LRP1B: variants seen among roughly 807,000 people sequenced by gnomAD.
The protein encoded by LRP1B is LDL receptor related protein 1B, also known as low-density lipoprotein receptor-related protein 1B.
LRP1B carries 217 observed loss-of-function variants against 556.6 expected under a neutral mutation model. That is an observed-to-expected ratio of 0.39 (90% CI 0.35 to 0.44). The LOEUF (loss-of-function observed/expected upper bound fraction) is 0.44, where lower values mean the gene tolerates loss of function less well. LRP1B is among the 20% of genes least tolerant of loss of function. The pLI is 1.00. For synonymous variants in LRP1B, 2,047 were observed against 1,865.8 expected, an observed-to-expected ratio of 1.10 and a Z score of -2.50; for missense variants, 5,053 against 5,620.8, an observed-to-expected ratio of 0.90 and a Z score of 3.23.
chr2:140,518,854 T>C (rs1406344827), intron 49 of LRP1B, among the ~76,000 whole-genome samples: 2 of 152,214 alleles, frequency 1.3e-5, no homozygotes, highest in African/African-American at 4.8e-5. Context: ...GTTTTCTAAA[T>C]ATACAATCAC....
intron 2 of LRP1B, among the ~76,000 whole-genome samples, chr2:141,495,399 T>A (rs538651879): frequency 4.6e-5 from 7 of 152,106 alleles, no homozygotes; most frequent in African/African-American, 1.7e-4. Context: ...AACAAGAAGG[T>A]TAAGAAAAAG....
chr2:141,280,578 A>C (rs1391926010), intron 3 of LRP1B, among the ~76,000 whole-genome samples: 1 of 151,942 alleles, frequency 6.6e-6, no homozygotes, highest in Non-Finnish European at 1.5e-5. Context: ...TTCTAGATTT[A>C]TATAGTCTTA....
intron 35 of LRP1B, among the ~76,000 whole-genome samples, chr2:140,748,819 A>AATATATATC (rs1217136588): frequency 1.1e-4 from 10 of 93,622 alleles, no homozygotes; most frequent in Non-Finnish European, 4.3e-5. Context: ...ACATGTATAT[A>AATATATATC]ATATATATCA....
At chr2:142,087,569 T>C (rs1039525154) in intron 1 of LRP1B, among the ~76,000 whole-genome samples, 4 of 151,350 alleles carry the variant, frequency 2.6e-5, no homozygotes, top group African/African-American at 9.7e-5. Context: ...CATTTCATTA[T>C]ATAAATATAA....
At chr2:141,138,602 C>T (rs1017313721) in intron 7 of LRP1B, among the ~76,000 whole-genome samples, 5 of 150,476 alleles carry the variant, frequency 3.3e-5, no homozygotes, top group Admixed American at 6.6e-5. Context: ...TGGCAAATAA[C>T]AATTGGAAAC....
intron 18 of LRP1B, among the ~76,000 whole-genome samples, chr2:140,961,825 C>A (rs1001638710): frequency 6.6e-6 from 1 of 152,026 alleles, no homozygotes; most frequent in Non-Finnish European, 1.5e-5. Flanking sequence ...AAGAGGAAGT[C>A]AAGAGAGGAG....
intron 1 of LRP1B, among the ~76,000 whole-genome samples, chr2:142,074,096 G>A (rs936702201): frequency 2.0e-5 from 3 of 151,478 alleles, no homozygotes; most frequent in African/African-American, 7.3e-5. Context: ...TCCTTTACTC[G>A]CAAACTTTCA....
At chr2:141,162,227 A>G (rs1049406967) in intron 7 of LRP1B, among the ~76,000 whole-genome samples, 14 of 152,126 alleles carry the variant, frequency 9.2e-5, no homozygotes, top group African/African-American at 3.4e-4. Flanking sequence ...TGACTCTTTC[A>G]GACAAAAGGT....
chr2:140,900,843 G>C (rs1283234142), intron 23 of LRP1B, among the ~76,000 whole-genome samples: 4 of 152,010 alleles, frequency 2.6e-5, no homozygotes, highest in African/African-American at 9.7e-5. Context: ...AGGATATTTG[G>C]AAGAAGATTT....
At chr2:142,024,455 A>C (rs1254384676) in intron 1 of LRP1B, among the ~76,000 whole-genome samples, 2 of 152,080 alleles carry the variant, frequency 1.3e-5, no homozygotes, top group Non-Finnish European at 2.9e-5. Context: ...GATGGTTCCT[A>C]TCCTTTCCCA....
Position 141,227,899 on chromosome 2 carries a change from G to A in LRP1B, c.850+1284C>T, listed in dbSNP as rs149391619. 4.3e-3 allele frequency among the ~76,000 whole-genome samples: 650 copies of A among 151,712 alleles called. 21 individuals are homozygous for A. The highest frequency in any genetic ancestry group is 0.036 in the Admixed American group (554 of 15,206). On this transcript the variant is annotated intron_variant, in intron 6 of 90. Transcript: ENST00000389484. ...TTCTATCACAGCATTCTTCTTTTCC[G>A]CTTGATTGTACACATGTCTCTTCAT...
At chr2:140,315,363 G>T (rs1278965138) in intron 82 of LRP1B, among the ~76,000 whole-genome samples, 3 of 151,916 alleles carry the variant, frequency 2.0e-5, no homozygotes, top group African/African-American at 7.3e-5. Flanking sequence ...GTAAAATACT[G>T]AATAGTAAAA....
At chr2:140,874,999 C>A in intron 25 of LRP1B, among the ~76,000 whole-genome samples, 1 of 146,550 alleles carries the variant, frequency 6.8e-6, no homozygotes, top group African/African-American at 2.5e-5. Flanking sequence ...CCCTGTGCAA[C>A]AAAAGCAAAA....
chr2:141,828,792 G>C (rs939310194), intron 1 of LRP1B, among the ~76,000 whole-genome samples: 5 of 151,962 alleles, frequency 3.3e-5, no homozygotes, highest in African/African-American at 1.2e-4. Flanking sequence ...TCCCTGTTAT[G>C]GGAAGTTAAC....
chr2:141,351,715 T>C (rs1688449452), intron 3 of LRP1B, among the ~76,000 whole-genome samples: 1 of 151,976 alleles, frequency 6.6e-6, no homozygotes, highest in Admixed American at 6.6e-5. Flanking sequence ...ATCAATACTC[T>C]AATAACATGA....
At chr2:141,617,016 C>T (rs1207285621) in intron 2 of LRP1B, among the ~76,000 whole-genome samples, 1 of 152,192 alleles carries the variant, frequency 6.6e-6, no homozygotes, top group African/African-American at 2.4e-5. Context: ...AAACATTAAT[C>T]CATCTGCCAT....
At chr2:141,076,204 C>A (rs545445368) in intron 7 of LRP1B, among the ~76,000 whole-genome samples, 1 of 152,236 alleles carries the variant, frequency 6.6e-6, no homozygotes, top group East Asian at 1.9e-4. Flanking sequence ...CCAAATGAAG[C>A]TGGTGAAGGG....
intron 52 of LRP1B, among the ~76,000 whole-genome samples, chr2:140,509,634 G>A (rs574578801): frequency 8.5e-5 from 13 of 152,244 alleles, no homozygotes; most frequent in Admixed American, 6.5e-5. Context: ...TACTGCACTC[G>A]TACACATAAA....
At chr2:141,613,367 T>TA (rs996735247) in intron 2 of LRP1B, among the ~76,000 whole-genome samples, 6 of 152,158 alleles carry the variant, frequency 3.9e-5, no homozygotes, top group African/African-American at 9.7e-5. Context: ...ACCGTTTATT[T>TA]AAAAAATCCG....
Sources: gnomAD v4.1 joint callset for allele counts (sites outside exome capture counted in the v4.1 genomes callset) on GRCh38, gnomAD v4.1.1 for gene constraint, MANE v1.5 for transcripts, NCBI Gene and HGNC (gene_info 2026-07-23, HGNC 2026-07-21) for gene names.